The following BST1 variants were observed in gnomAD, a reference collection of about 807,000 sequenced individuals.
BST1 encodes ADP-ribosyl cyclase/cyclic ADP-ribose hydrolase 2.
In BST1, 49 loss-of-function variants were observed where a neutral mutation model predicts 40.6. The observed-to-expected ratio is 1.21, with a 90% CI of 0.96 to 1.53. The LOEUF (loss-of-function observed/expected upper bound fraction) is 1.53, where lower values mean the gene tolerates loss of function less well. Among genes scored for constraint, BST1 ranks in the 40% most tolerant of loss-of-function variants. The pLI, the probability that BST1 is intolerant of heterozygous loss-of-function variation, is 0.00. For missense variants in BST1, 423 were observed against 395.9 expected (o/e 1.07, Z -0.58); for synonymous variants, 157 against 159.3 (o/e 0.99, Z 0.11).
chr4:15,754,969 T>C, the BST1 span, among the ~76,000 whole-genome samples: 1 of 152,218 alleles, frequency 6.6e-6, no homozygotes, highest in Non-Finnish European at 1.5e-5. Context: ...AAATACTTTG[T>C]ACTCCTTAAT....
rs1719842241 is a variant in BST1, at chr4:15,705,641, G to A, written c.315G>A (p.Lys105=). ...CCAGGCACTCTATTCCCAGAGATAA[G>A]GTAACACCACAACCATCTTGGGTAA... The part of the protein sequence containing the change: ...NLSRHSIPRD[K]SLFWENSHLL... The change falls in exon 2 of 9, where the codon AAG becomes AAA. Residue 105 remains lysine, a splice_region_variant and synonymous_variant. Coordinates refer to ENST00000265016, the MANE Select transcript of BST1 (RefSeq NM_004334.3). The A allele has an allele frequency of 1.2e-6, 2 of 1,613,806 alleles. No individual in the cohort carries two copies. The highest frequency in any genetic ancestry group is 1.3e-5 in the African/African-American group (1 of 74,910).
chr4:15,706,122 A>T (rs576235551), intron 2 of BST1, among the ~76,000 whole-genome samples: 1 of 152,166 alleles, frequency 6.6e-6, no homozygotes, highest in Non-Finnish European at 1.5e-5. Context: ...ATCACCTCAC[A>T]CCAGGCCCCA....
the BST1 span, among the ~76,000 whole-genome samples, chr4:15,772,725 G>C: frequency 1.6e-4 from 24 of 152,210 alleles, no homozygotes; most frequent in Non-Finnish European, 3.1e-4. Flanking sequence ...GTTAGAAAAG[G>C]CTTCCTGAGG....
chr4:15,725,302 G>A (rs1041881865), intron 8 of BST1, among the ~76,000 whole-genome samples: 6 of 152,164 alleles, frequency 3.9e-5, no homozygotes, highest in African/African-American at 1.4e-4. Context: ...TGCTCTTTGG[G>A]CTGGAAATTA....
At chr4:15,734,479 A>G (rs1721490877), downstream of BST1, among the ~76,000 whole-genome samples, 1 of 152,066 alleles carries the variant, frequency 6.6e-6, no homozygotes, top group South Asian at 2.1e-4. Flanking sequence ...AAAATATAAT[A>G]TATATACGGG....
intron 4 of BST1, among the ~76,000 whole-genome samples, chr4:15,713,751 T>G (rs1720353056): frequency 6.6e-6 from 1 of 151,978 alleles, no homozygotes; most frequent in Non-Finnish European, 1.5e-5. Context: ...TCACCCAGAC[T>G]GGAGTGCAGT....
At chr4:15,735,706 G>A (rs996780218), downstream of BST1, among the ~76,000 whole-genome samples, 1 of 152,116 alleles carries the variant, frequency 6.6e-6, no homozygotes, top group African/African-American at 2.4e-5. Flanking sequence ...CAATCCCATG[G>A]GAGCCCCAGC....
chr4:15,762,086 G>A, the BST1 span, among the ~76,000 whole-genome samples: 1 of 150,542 alleles, frequency 6.6e-6, no homozygotes. Flanking sequence ...CTACTCGGGA[G>A]GCTGAGGCAG....
At chr4:15,742,063 A>T (rs1446751477), downstream of BST1, among the ~76,000 whole-genome samples, 1 of 152,208 alleles carries the variant, frequency 6.6e-6, no homozygotes, top group Non-Finnish European at 1.5e-5. Context: ...CAAGCCCAGA[A>T]GCAGTTTTTC....
chr4:15,704,206 G>T (rs1450946891), intron 1 of BST1, among the ~76,000 whole-genome samples: 1 of 143,420 alleles, frequency 7.0e-6, no homozygotes, highest in African/African-American at 2.6e-5. Flanking sequence ...AGGTGAGGGG[G>T]TGTATGTGTA....
At chr4:15,767,329 G>C in the BST1 span, among the ~76,000 whole-genome samples, 23 of 151,396 alleles carry the variant, frequency 1.5e-4, no homozygotes, top group East Asian at 4.1e-3. Context: ...TTTTGAGATG[G>C]AGTCTTGCTC....
intron 3 of BST1, among the ~76,000 whole-genome samples, chr4:15,707,872 TATACAC>T (rs1225023825): frequency 6.5e-4 from 95 of 146,366 alleles, no homozygotes; most frequent in African/African-American, 1.9e-3. Context: ...TATATATATA[TATACAC>T]ATATATATAC....
At chr4:15,756,169 G>A in the BST1 span, among the ~76,000 whole-genome samples, 1 of 152,136 alleles carries the variant, frequency 6.6e-6, no homozygotes, top group Non-Finnish European at 1.5e-5. Flanking sequence ...GGGAAAAACC[G>A]ACTTTCTGGT....
intron 1 of BST1, among the ~76,000 whole-genome samples, chr4:15,704,246 G>C (rs1415593959): frequency 7.0e-6 from 1 of 143,084 alleles, no homozygotes; most frequent in Admixed American, 6.9e-5. Flanking sequence ...GTGTGTTCTA[G>C]AGATGAGGTG....
chr4:15,730,067 G>A (rs7672311), intron 8 of BST1, among the ~76,000 whole-genome samples: 15,235 of 152,214 alleles, frequency 0.1, 883 homozygotes, highest in African/African-American at 0.15. Context: ...TCGAGTCTGG[G>A]ACATTAACTG....
At chr4:15,764,684 C>T in the BST1 span, among the ~76,000 whole-genome samples, 1 of 151,846 alleles carries the variant, frequency 6.6e-6, no homozygotes, top group Non-Finnish European at 1.5e-5. Context: ...CCTGATTTTC[C>T]TCTGGAGAGC....
At chr4:15,756,655 A>G in the BST1 span, among the ~76,000 whole-genome samples, 1 of 152,230 alleles carries the variant, frequency 6.6e-6, no homozygotes, top group African/African-American at 2.4e-5. Context: ...GGTCATCATC[A>G]TAGACTTGGG....
chr4:15,770,297 C>A, the BST1 span, among the ~76,000 whole-genome samples: 1 of 152,146 alleles, frequency 6.6e-6, no homozygotes, highest in Admixed American at 6.5e-5. Flanking sequence ...CAGGTGTCCC[C>A]AAATCTGTTG....
chr4:15,712,470 A>G (rs1252496795), intron 4 of BST1, among the ~76,000 whole-genome samples: 1 of 152,112 alleles, frequency 6.6e-6, no homozygotes, highest in Non-Finnish European at 1.5e-5. Flanking sequence ...TAGAATAGAG[A>G]TTACAAATAA....
Sources: gnomAD v4.1 joint callset for allele counts (sites outside exome capture counted in the v4.1 genomes callset) on GRCh38, gnomAD v4.1.1 for gene constraint, MANE v1.5 for transcripts, NCBI Gene and HGNC (gene_info 2026-07-23, HGNC 2026-07-21) for gene names.